Variants in TLN2 observed in about 807,000 individuals in gnomAD.
The protein encoded by TLN2 is talin-2.
In TLN2, 118 loss-of-function variants were observed where a neutral mutation model predicts 294.7. The observed-to-expected ratio is 0.40, with a 90% CI of 0.34 to 0.47. The LOEUF (loss-of-function observed/expected upper bound fraction) is 0.47, where lower values mean the gene tolerates loss of function less well. Among genes scored for constraint, TLN2 ranks in the 20% least tolerant of loss-of-function variants. The probability of loss-of-function intolerance (pLI) is 0.84; values close to 1 mark genes in which losing one functional copy is unlikely to be tolerated. For synonymous variants in TLN2, 1,431 were observed against 1,304.5 expected (o/e 1.10, Z -2.09); for missense variants, 3,083 against 3,282.2 (o/e 0.94, Z 1.48).
At chr15:62,639,603 C>T (rs4774444) in intron 3 of TLN2, among the ~76,000 whole-genome samples, 2,680 of 152,316 alleles carry the variant, frequency 0.018, 30 homozygotes, top group Middle Eastern at 0.034. Flanking sequence ...CAAACAGGAG[C>T]TTAACTCTCC....
At chr15:62,820,746 A>C in intron 54 of TLN2, 136 bp downstream of exon 54, 1 of 1,188,688 alleles carries the variant, frequency 8.4e-7, no homozygotes, top group Non-Finnish European at 1.2e-6. Context: ...AACCGGATCT[A>C]CCTGCCCGGC....
intron 54 of TLN2, among the ~76,000 whole-genome samples, chr15:62,825,829 A>ATAT (rs10670862): frequency 3.1e-4 from 4 of 12,924 alleles, no homozygotes; most frequent in African/African-American, 8.8e-4. Context: ...TATATATTAT[A>ATAT]ATATATAATA....
chr15:62,421,346 GT>G (rs371935881), intron 1 of TLN2, among the ~76,000 whole-genome samples: 3 of 152,082 alleles, frequency 2.0e-5, no homozygotes, highest in African/African-American at 7.2e-5. Context: ...CCTACTTGGT[GT>G]TTTTTAAGCA....
intron 15 of TLN2, among the ~76,000 whole-genome samples, 176 bp from the exon 16 acceptor site, chr15:62,698,578 T>G (rs1012293424): frequency 1.3e-5 from 2 of 152,244 alleles, no homozygotes; most frequent in Admixed American, 6.5e-5. Flanking sequence ...ATTAATATAA[T>G]GCAGTATCTA....
At chr15:62,412,450 T>G (rs1566951797) in intron 1 of TLN2, among the ~76,000 whole-genome samples, 1 of 152,326 alleles carries the variant, frequency 6.6e-6, no homozygotes, top group East Asian at 1.9e-4. Context: ...CTAGCTGTCC[T>G]TCTGTTAATG....
intron 1 of TLN2, among the ~76,000 whole-genome samples, chr15:62,417,956 C>G (rs1228982854): frequency 6.6e-6 from 1 of 152,212 alleles, no homozygotes; most frequent in Admixed American, 6.5e-5. Flanking sequence ...CCTGGCCTGT[C>G]TTAAGTTCTA....
chr15:62,824,856 A>G (rs557502426), intron 54 of TLN2, among the ~76,000 whole-genome samples: 21 of 152,342 alleles, frequency 1.4e-4, no homozygotes, highest in Middle Eastern at 3.4e-3. Flanking sequence ...CTCAACAAAC[A>G]AAATACTTTG....
chr15:62,566,567 G>T (rs375870387), intron 1 of TLN2, among the ~76,000 whole-genome samples: 2 of 151,966 alleles, frequency 1.3e-5, no homozygotes, highest in South Asian at 4.2e-4. Flanking sequence ...ATTTGCGAAG[G>T]CCTGATGAGT....
chr15:62,465,200 T>C (rs879427365), intron 1 of TLN2, among the ~76,000 whole-genome samples: 15 of 150,782 alleles, frequency 9.9e-5, no homozygotes, highest in Non-Finnish European at 2.1e-4. Context: ...CAGTATGTGC[T>C]GTTTCCTTTT....
intron 46 of TLN2, among the ~76,000 whole-genome samples, chr15:62,794,016 G>C (rs909638425): frequency 3.3e-5 from 5 of 152,046 alleles, no homozygotes; most frequent in Non-Finnish European, 7.4e-5. Context: ...GCTGGAGGAA[G>C]GCATTTGCCT....
intron 1 of TLN2, among the ~76,000 whole-genome samples, chr15:62,487,117 C>G (rs772373891): frequency 3.3e-5 from 5 of 152,200 alleles, no homozygotes; most frequent in Non-Finnish European, 5.9e-5. Flanking sequence ...AAGTCTCCTC[C>G]TAGCACATTT....
At chr15:62,737,131 A>T (rs1261178939) in intron 29 of TLN2, 45 bp downstream of exon 29, 16 of 1,602,250 alleles carry the variant, frequency 1.0e-5, no homozygotes, top group Admixed American at 1.7e-5. Flanking sequence ...GTCATCATTA[A>T]CGTGGACATG....
chr15:62,663,414 A>C (rs991719716), intron 9 of TLN2, among the ~76,000 whole-genome samples: 1 of 152,056 alleles, frequency 6.6e-6, no homozygotes, highest in African/African-American at 2.4e-5. Flanking sequence ...TCTTATCAAC[A>C]TGATACTAAA....
intron 9 of TLN2, among the ~76,000 whole-genome samples, chr15:62,668,345 A>G (rs2054978366): frequency 6.6e-6 from 1 of 152,228 alleles, no homozygotes; most frequent in Admixed American, 6.5e-5. Context: ...GAATATATAC[A>G]ATAAAATAAC....
At chr15:62,565,354 A>G in intron 1 of TLN2, among the ~76,000 whole-genome samples, 1 of 152,232 alleles carries the variant, frequency 6.6e-6, no homozygotes, top group Non-Finnish European at 1.5e-5. Flanking sequence ...TACATAATAA[A>G]TTGCACTAGA....
In TLN2 at chr15:62,776,900, C is replaced by A. The variant is rs777336139; in HGVS notation, c.5504C>A (p.Ala1835Asp). The A allele has an allele frequency of 4.4e-6, 7 of 1,574,686 alleles. No homozygotes were observed. Among genetic ancestry groups the A allele is most frequent in the Admixed American group, 1.8e-5 (1 of 54,880 alleles). Reference protein sequence around the residue: ...VGGMVDAIAEAMSKLDEGTPP... With the variant: ...VGGMVDAIAEDMSKLDEGTPP... ...GGCATGGTGGACGCCATTGCAGAAG[C>A]CATGAGCAAGGTGGGCATGGGCTCT... is the stretch of plus-strand genomic sequence containing the variant. Residue 1835 changes from alanine to aspartate, a missense_variant, in exon 43 of 59, where the codon GCC becomes GAC. By Grantham distance (126) the Ala-to-Asp change is moderately radical. Transcript: ENST00000636159.
intron 11 of TLN2, among the ~76,000 whole-genome samples, chr15:62,680,060 G>A (rs962510335): frequency 1.3e-5 from 2 of 152,156 alleles, no homozygotes; most frequent in Non-Finnish European, 2.9e-5. Context: ...TAATCACACT[G>A]TCGTGATCAA....
At chr15:62,550,168 A>G (rs1237500798) in intron 1 of TLN2, among the ~76,000 whole-genome samples, 2 of 152,126 alleles carry the variant, frequency 1.3e-5, no homozygotes, top group African/African-American at 4.8e-5. Context: ...TCCAGGTCTG[A>G]GTGGTCAGCA....
intron 8 of TLN2, among the ~76,000 whole-genome samples, chr15:62,657,330 A>G (rs1315059147): frequency 2.0e-5 from 3 of 151,328 alleles, no homozygotes; most frequent in Admixed American, 1.3e-4. Context: ...CCTCTATTAC[A>G]TTGGTTTTTA....
Sources: allele counts gnomAD v4.1 joint callset (sites outside exome capture counted in the v4.1 genomes callset), GRCh38; gene constraint gnomAD v4.1.1; transcripts MANE v1.5; gene names NCBI Gene and HGNC (gene_info 2026-07-23, HGNC 2026-07-21).